The following CSMD1 variants were observed in gnomAD, a reference collection of about 807,000 sequenced individuals.
The protein encoded by CSMD1 is CUB and sushi domain-containing protein 1.
In CSMD1, 213 loss-of-function variants were observed where a neutral mutation model predicts 417.5. The ratio of observed to expected loss-of-function variants is 0.51; its 90% confidence interval spans 0.46 to 0.57. The LOEUF (loss-of-function observed/expected upper bound fraction) is 0.57. CSMD1 is among the 20% of genes least tolerant of loss of function. CSMD1 has a pLI of 0.00. For missense variants in CSMD1, 6,923 were observed against 4,529.7 expected (o/e 1.53, Z -15.17); for synonymous variants, 2,862 against 1,736.8 (o/e 1.65, Z -16.11).
chr8:3,777,703 T>G (rs181034103), intron 5 of CSMD1, among the ~76,000 whole-genome samples: 1 of 152,186 alleles, frequency 6.6e-6, no homozygotes, highest in Non-Finnish European at 1.5e-5. Flanking sequence ...ACCTGCGGCC[T>G]CCTTCAGATG....
chr8:3,911,704 G>A (rs191816042), intron 5 of CSMD1, among the ~76,000 whole-genome samples: 1 of 152,062 alleles, frequency 6.6e-6, no homozygotes, highest in African/African-American at 2.4e-5. Context: ...TCCCAGGCTC[G>A]CCTATCAAAC....
chr8:3,867,577 T>C (rs893752008), intron 5 of CSMD1, among the ~76,000 whole-genome samples: 7 of 152,186 alleles, frequency 4.6e-5, no homozygotes, highest in African/African-American at 1.7e-4. Context: ...ATGAACTGTG[T>C]GGATATCTGA....
chr8:3,254,852 A>G (rs954447698), intron 26 of CSMD1, among the ~76,000 whole-genome samples: 1 of 152,036 alleles, frequency 6.6e-6, no homozygotes, highest in Non-Finnish European at 1.5e-5. Flanking sequence ...TGCTAGTCTG[A>G]AGCCTTCTTC....
At chr8:3,925,785 C>G (rs930348779) in intron 5 of CSMD1, among the ~76,000 whole-genome samples, 1 of 151,974 alleles carries the variant, frequency 6.6e-6, no homozygotes, top group Admixed American at 6.6e-5. Flanking sequence ...CTTTTTATTC[C>G]CAGTTTTGGG....
At chr8:3,892,020 G>A (rs1028710014) in intron 5 of CSMD1, among the ~76,000 whole-genome samples, 6 of 49,092 alleles carry the variant, frequency 1.2e-4, no homozygotes, top group Admixed American at 3.3e-4. Flanking sequence ...CATGATAGTC[G>A]CAAACAAAAA....
At chr8:4,170,818 G>A (rs1053148705) in intron 3 of CSMD1, among the ~76,000 whole-genome samples, 4 of 151,556 alleles carry the variant, frequency 2.6e-5, no homozygotes, top group Admixed American at 2.6e-4. Context: ...TATTCATCAT[G>A]ATCTTCTCTC....
Position 4,937,378 on chromosome 8 carries a change from G to C in CSMD1, c.85+56954C>G, listed in dbSNP as rs184666818. Among the ~76,000 whole-genome samples the C allele has an allele frequency of 1.2e-4, 19 of 152,244 alleles. No homozygotes were observed. The East Asian group carries it at 3.7e-3, about 29-fold the overall frequency. On this transcript the variant is annotated intron_variant, in intron 1 of 69. Coordinates refer to ENST00000635120, the MANE Select transcript of CSMD1 (RefSeq NM_033225.6). ...CACACCTGCTGGGACTTGATGTAGTGTATTCTTTACTGGGAAATATGACAG... is the reference window on the plus strand; with the variant it reads ...CACACCTGCTGGGACTTGATGTAGTCTATTCTTTACTGGGAAATATGACAG...
chr8:4,379,605 G>A (rs969485292), intron 3 of CSMD1, among the ~76,000 whole-genome samples: 5 of 151,954 alleles, frequency 3.3e-5, no homozygotes, highest in African/African-American at 1.2e-4. Flanking sequence ...AAAAATGTTT[G>A]CAAGGTAAGC....
chr8:4,039,098 C>T (rs1400173698), intron 3 of CSMD1, among the ~76,000 whole-genome samples: 2 of 152,112 alleles, frequency 1.3e-5, no homozygotes, highest in African/African-American at 2.4e-5. Flanking sequence ...ACAAGGCTAT[C>T]GAAAGGAAGT....
intron 27 of CSMD1, among the ~76,000 whole-genome samples, chr8:3,227,068 C>T (rs1289155435): frequency 6.6e-6 from 1 of 152,040 alleles, no homozygotes; most frequent in Non-Finnish European, 1.5e-5. Context: ...ATATATATGG[C>T]TGATGGCAGG....
At chr8:3,630,509 T>C (rs191182322) in intron 7 of CSMD1, among the ~76,000 whole-genome samples, 58 of 152,274 alleles carry the variant, frequency 3.8e-4, no homozygotes, top group African/African-American at 1.3e-3. Flanking sequence ...ATTTATATGT[T>C]AAACAGTTCA....
intron 3 of CSMD1, among the ~76,000 whole-genome samples, chr8:4,212,811 C>G (rs986083146): frequency 7.3e-6 from 1 of 136,806 alleles, no homozygotes; most frequent in African/African-American, 3.0e-5. Context: ...CTTTTACCAG[C>G]CAGTTCATGG....
chr8:4,048,463 A>G (rs1222299893), intron 3 of CSMD1, among the ~76,000 whole-genome samples: 2 of 152,224 alleles, frequency 1.3e-5, no homozygotes, highest in African/African-American at 2.4e-5. Context: ...ATTCTGCAGT[A>G]GCTACTATTA....
At chr8:4,685,428 A>G (rs1199662392) in intron 1 of CSMD1, among the ~76,000 whole-genome samples, 2 of 151,834 alleles carry the variant, frequency 1.3e-5, no homozygotes, top group Admixed American at 6.6e-5. Context: ...ACAAAATACT[A>G]GCTGAGTGTG....
At chr8:3,429,862 C>T (rs953622816) in intron 12 of CSMD1, among the ~76,000 whole-genome samples, 1 of 152,160 alleles carries the variant, frequency 6.6e-6, no homozygotes, top group Admixed American at 6.6e-5. Context: ...ACAGCCAGCA[C>T]TACTGAGTTT....
intron 18 of CSMD1, among the ~76,000 whole-genome samples, chr8:3,377,468 T>C (rs1377419182): frequency 3.3e-5 from 5 of 152,194 alleles, no homozygotes; most frequent in Non-Finnish European, 4.4e-5. Flanking sequence ...ATAAGCTAAG[T>C]GTACTTTTAT....
chr8:3,323,022 C>T (rs551884797), intron 23 of CSMD1, among the ~76,000 whole-genome samples: 4 of 152,254 alleles, frequency 2.6e-5, no homozygotes, highest in Admixed American at 2.0e-4. Context: ...ATGGTTTATT[C>T]CTTTCTTCAT....
chr8:4,423,418 G>C (rs965915709), intron 2 of CSMD1, among the ~76,000 whole-genome samples: 1 of 151,806 alleles, frequency 6.6e-6, no homozygotes, highest in Non-Finnish European at 1.5e-5. Flanking sequence ...TACTAGCAAT[G>C]AACACGTTGA....
At chr8:4,177,927 G>A (rs934464419) in intron 3 of CSMD1, among the ~76,000 whole-genome samples, 6 of 151,940 alleles carry the variant, frequency 3.9e-5, no homozygotes, top group Admixed American at 1.3e-4. Context: ...CTGAAATTGT[G>A]GCAACAATCA....
Sources: gnomAD v4.1 joint callset for allele counts (sites outside exome capture counted in the v4.1 genomes callset) on GRCh38, gnomAD v4.1.1 for gene constraint, MANE v1.5 for transcripts, NCBI Gene and HGNC (gene_info 2026-07-23, HGNC 2026-07-21) for gene names.